Variants in SFI1 observed in about 807,000 individuals in gnomAD.
SFI1 encodes the protein protein SFI1 homolog.
A neutral mutation model predicts 207.5 loss-of-function variants in SFI1; 195 were observed. The ratio of observed to expected loss-of-function variants is 0.94; its 90% CI spans 0.84 to 1.06. The LOEUF (loss-of-function observed/expected upper bound fraction) is 1.06. Among genes scored for constraint, SFI1 ranks in the 50% least tolerant of loss-of-function variants. The pLI is 0.00. For missense variants in SFI1, 1,634 were observed against 1,588.0 expected, an observed-to-expected ratio of 1.03 and a Z score of -0.49; for synonymous variants, 630 against 598.9, an observed-to-expected ratio of 1.05 and a Z score of -0.76.
intron 5 of SFI1, among the ~76,000 whole-genome samples, chr22:31,548,527 C>T (rs554294378): frequency 9.9e-5 from 15 of 151,820 alleles, no homozygotes; most frequent in African/African-American, 3.4e-4. Flanking sequence ...CCTGTAGTAC[C>T]AGCTACTCGG....
intron 11 of SFI1, among the ~76,000 whole-genome samples, chr22:31,578,866 G>T (rs1017534245): frequency 3.3e-5 from 5 of 152,210 alleles, no homozygotes; most frequent in Middle Eastern, 3.4e-3. Context: ...AGCCTCTGGG[G>T]CTCCACAAAG....
chr22:31,568,794 G>A (rs1468755063), intron 8 of SFI1, among the ~76,000 whole-genome samples: 1 of 152,016 alleles, frequency 6.6e-6, no homozygotes, highest in Non-Finnish European at 1.5e-5. Flanking sequence ...AGATAGAAAA[G>A]TTTGAGCATC....
At chr22:31,605,233 A>G (rs905382418) in intron 20 of SFI1, 10 of 256,280 alleles carry the variant, frequency 3.9e-5, no homozygotes, top group Non-Finnish European at 6.7e-5. Context: ...CACGCCTACA[A>G]AATTCAGCTT....
chr22:31,567,661 G>C (rs2062461619), intron 8 of SFI1, among the ~76,000 whole-genome samples: 2 of 152,130 alleles, frequency 1.3e-5, no homozygotes, highest in African/African-American at 4.8e-5. Context: ...TTACCTATAG[G>C]AGGAGGGAGA....
At chr22:31,604,670 A>C (rs1266397586) in intron 19 of SFI1, 199 bp from the exon 20 acceptor site, 5 of 593,356 alleles carry the variant, frequency 8.4e-6, no homozygotes, top group Non-Finnish European at 1.5e-5. Flanking sequence ...TTGACTTAGG[A>C]GGTGAGGGCC....
At chr22:31,603,489 C>G (rs2068464952) in intron 17 of SFI1, among the ~76,000 whole-genome samples, 1 of 152,196 alleles carries the variant, frequency 6.6e-6, no homozygotes. Flanking sequence ...CCATGTTTAA[C>G]CAGTTTCTCA....
At chr22:31,606,451 C>T (rs760134751) in intron 21 of SFI1, 21 bp downstream of exon 21, 2 of 1,601,986 alleles carry the variant, frequency 1.2e-6, no homozygotes, top group Non-Finnish European at 1.7e-6. Flanking sequence ...AGGAGGCAAG[C>T]TGGTCACCCA....
chr22:31,589,271 T>G (rs1024910778), intron 14 of SFI1, among the ~76,000 whole-genome samples, 176 bp from the exon 15 acceptor site: 1 of 152,054 alleles, frequency 6.6e-6, no homozygotes, highest in Non-Finnish European at 1.5e-5. Flanking sequence ...GAAAATTTTT[T>G]TACCTATCCT....
intron 8 of SFI1, among the ~76,000 whole-genome samples, chr22:31,568,492 A>G (rs141881836): frequency 3.6e-5 from 5 of 139,278 alleles, no homozygotes; most frequent in African/African-American, 1.1e-4. Flanking sequence ...GATTGTGCCA[A>G]CTGCACTTCA....
At chr22:31,497,607 C>T (rs956398842) in intron 1 of SFI1, among the ~76,000 whole-genome samples, 3 of 152,106 alleles carry the variant, frequency 2.0e-5, no homozygotes, top group African/African-American at 7.2e-5. Flanking sequence ...ACAGTGGCCC[C>T]TAAGTGTTCA....
chr22:31,546,988 C>T lies in SFI1; in HGVS notation c.449+17C>T, dbSNP rs138776451. 21,804 of 1,523,272 alleles carry T rather than the reference C, an allele frequency of 0.014. 179 individuals are homozygous for T. Among genetic ancestry groups the T allele is most frequent in the Non-Finnish European group, 0.016 (17,860 of 1,107,524 alleles). The allele number at this position is 1,523,272 out of a possible 1,614,324, so 94.4% of individuals were successfully genotyped here. On this transcript the variant is annotated intron_variant, in intron 5 of 32. Transcript: ENST00000400288. ...TCACTACAGGTCAGGTTTCATGTTA[C>T]ACTCCTTCAGTTTTACTGATGCACA...
intron 15 of SFI1, among the ~76,000 whole-genome samples, chr22:31,592,891 C>A: frequency 8.2e-6 from 1 of 121,398 alleles, no homozygotes; most frequent in Non-Finnish European, 1.7e-5. Flanking sequence ...GACGGGCTGG[C>A]TGGCCGGGCT....
intron 4 of SFI1, among the ~76,000 whole-genome samples, chr22:31,545,138 A>C (rs2059948484): frequency 1.3e-5 from 2 of 151,844 alleles, no homozygotes; most frequent in South Asian, 4.2e-4. Context: ...AGGCCGAGGC[A>C]GGCAGATCAC....
chr22:31,608,052 G>A lies in SFI1; in HGVS notation c.2254+19G>A. 1.2e-6 allele frequency: 2 copies of A among 1,604,070 alleles called. No individual in the cohort carries two copies. The highest frequency in any genetic ancestry group is 1.7e-6 in the Non-Finnish European group (2 of 1,171,230). ...GACAGGGGTAAGTGGGGCCCCAGAA[G>A]CAAGTCATGTTGAGGAATGTGAAGA... is the stretch of plus-strand genomic sequence containing the variant. On this transcript the variant is annotated intron_variant, in intron 22 of 32. Transcript: ENST00000400288.
chr22:31,613,453 G>T lies in SFI1; in HGVS notation c.2665G>T (p.Gly889Cys). The change falls in exon 26 of 33, where the codon GGT becomes TGT. Residue 889 changes from glycine to cysteine, a missense_variant. Coordinates refer to ENST00000400288, the MANE Select transcript of SFI1 (RefSeq NM_001007467.3). ...QAYQGQLLQE[G>C]ATRLLRFAAS... ...CTACCAGGGGCAGCTCCTCCAGGAG[G>T]GTGCCACGCGGCTCCTGCGCTTTGC... is the stretch of plus-strand genomic sequence containing the variant. 6.2e-7 allele frequency: 1 copy of T among 1,606,100 alleles called. No homozygotes were observed. The highest frequency in any genetic ancestry group is 8.5e-7 in the Non-Finnish European group (1 of 1,179,324).
At chr22:31,541,737 C>G (rs554863345) in intron 4 of SFI1, among the ~76,000 whole-genome samples, 18 of 109,326 alleles carry the variant, frequency 1.6e-4, no homozygotes, top group African/African-American at 6.0e-4. Flanking sequence ...GAACAAGACT[C>G]CATCTCAAAA....
Position 31,575,205 on chromosome 22 carries a change from G to A in SFI1, c.923-26G>A, listed in dbSNP as rs1236250419. 2.5e-6 allele frequency: 4 copies of A among 1,586,360 alleles called. No individual in the cohort carries two copies. The African/African-American group carries it at 4.0e-5, about 16-fold the overall frequency. ...CAGCTCATCTAACCTTAGGGGAGTA[G>A]CACTTAAGTTATTTCTCTGTTGCAG... On this transcript the variant is annotated intron_variant, in intron 9 of 32. Coordinates refer to ENST00000400288, the MANE Select transcript of SFI1 (RefSeq NM_001007467.3).
At position 31,597,486 on chromosome 22, in the gene SFI1, G is replaced by A. The variant is rs189207529; in HGVS notation, c.1545-4726G>A. 3.6e-3 allele frequency among the ~76,000 whole-genome samples: 549 copies of A among 152,254 alleles called. 5 individuals carry two copies. Among genetic ancestry groups the A allele is most frequent in the Non-Finnish European group, 6.0e-3 (408 of 68,024 alleles). On this transcript the variant is annotated intron_variant, in intron 15 of 32. Coordinates refer to ENST00000400288, the MANE Select transcript of SFI1 (RefSeq NM_001007467.3). The stretch of plus-strand genomic sequence containing the variant: ...CCTGAGTTCAGACCTATGCTCTGTC[G>A]CCTGCCAGCTCTGTGACCCTGGACA...
At chr22:31,578,604 C>T (rs2063767117) in intron 11 of SFI1, 152 bp downstream of exon 11, 3 of 622,546 alleles carry the variant, frequency 4.8e-6, no homozygotes, top group African/African-American at 3.7e-5. Context: ...GGGTGTCCTT[C>T]TTTTCATTTT....
Sources: gnomAD v4.1 joint callset for allele counts (sites outside exome capture counted in the v4.1 genomes callset) on GRCh38, gnomAD v4.1.1 for gene constraint, MANE v1.5 for transcripts, NCBI Gene and HGNC (gene_info 2026-07-23, HGNC 2026-07-21) for gene names.